DCP2: variants seen among roughly 807,000 people sequenced by gnomAD.
DCP2 encodes the protein m7GpppN-mRNA hydrolase.
In DCP2, 30 loss-of-function variants were observed where a neutral mutation model predicts 56.1. The observed-to-expected ratio is 0.53, with a 90% CI of 0.40 to 0.73. DCP2 has a LOEUF of 0.73. DCP2 is among the 30% of genes least tolerant of loss of function. The pLI, the probability that DCP2 is intolerant of heterozygous loss-of-function variation, is 0.00. For missense variants in DCP2, 533 were observed against 502.7 expected (o/e 1.06, Z -0.58); for synonymous variants, 197 against 163.3 (o/e 1.21, Z -1.57).
rs1750183883 is a variant in DCP2 at position 113,022,189 on chromosome 5, AAAAC to A, written c.*8708_*8711del. On this transcript the variant is annotated 3_prime_UTR_variant, in exon 11 of 11. Coordinates refer to ENST00000389063, the MANE Select transcript of DCP2 (RefSeq NM_152624.6). ...CTGTATAAATAAATGGAGTTTTTAA[AAAAC>A]AATTCTATATCAAATAACGCAAAGT... 1 of 152,574 alleles carries A rather than the reference AAAAC, an allele frequency of 6.6e-6. No individual in the cohort carries two copies. The highest frequency in any genetic ancestry group is 1.5e-5 in the Non-Finnish European group (1 of 68,048). 9.5% of individuals were successfully genotyped at this position (152,574 alleles called of 1,614,324 possible). A position where few individuals can be genotyped will look rare whatever the true frequency, so the allele number is the denominator to read the frequency against.
chr5:113,000,622 C>T (rs1003465844), intron 4 of DCP2, among the ~76,000 whole-genome samples: 3 of 152,080 alleles, frequency 2.0e-5, no homozygotes, highest in African/African-American at 4.8e-5. Flanking sequence ...ACCTTAGTTT[C>T]GAAGGAAAGG....
At chr5:112,991,920 A>T (rs1432417014) in intron 2 of DCP2, among the ~76,000 whole-genome samples, 2 of 152,170 alleles carry the variant, frequency 1.3e-5, no homozygotes, top group Non-Finnish European at 2.9e-5. Context: ...GAAAAAACAA[A>T]AACACAGTCT....
chr5:113,011,314 A>G (rs922851478), intron 10 of DCP2, among the ~76,000 whole-genome samples: 1 of 152,200 alleles, frequency 6.6e-6, no homozygotes, highest in Non-Finnish European at 1.5e-5. Context: ...GATACTAAGT[A>G]TGAGTTTTAT....
intron 1 of DCP2, chr5:112,984,579 GA>G (rs1288426844): frequency 6.6e-6 from 1 of 150,804 alleles, no homozygotes; most frequent in East Asian, 1.9e-4. Context: ...AATGCAACAT[GA>G]TTTAGCTGCT....
Position 113,015,751 on chromosome 5 carries a change from T to G in DCP2, c.*2267T>G, listed in dbSNP as rs539226896. On this transcript the variant is annotated 3_prime_UTR_variant, in exon 11 of 11. Coordinates refer to ENST00000389063, the MANE Select transcript of DCP2 (RefSeq NM_152624.6). ...AATATTTAAGTTGGATGTACTTGTTTTAGGTACATCTACTATACTTATTCT... is the reference window on the plus strand; with the variant it reads ...AATATTTAAGTTGGATGTACTTGTTGTAGGTACATCTACTATACTTATTCT... 1 of 152,780 alleles carries G rather than the reference T, an allele frequency of 6.5e-6. No homozygotes were observed. Among genetic ancestry groups the G allele is most frequent in the East Asian group, 1.9e-4 (1 of 5,194 alleles). The allele number at this position is 152,780 out of a possible 1,614,324, so 9.5% of individuals were successfully genotyped here.
rs375035866 is a variant in DCP2 at position 113,010,568 on chromosome 5, AAT to A, written c.1048-187_1048-186del. ...ATGTATGTAATCAAGAACTAAAAAA[AAT>A]TTTAGGTGTGAAAAGTAAATACAAA... On this transcript the variant is annotated intron_variant, in intron 9 of 10. Transcript: ENST00000389063. Among the ~76,000 whole-genome samples the A allele has an allele frequency of 4.5e-3, 679 of 152,318 alleles. 1 individual carries two copies. Among genetic ancestry groups the A allele is most frequent in the Middle Eastern group, 0.01 (3 of 294 alleles).
intron 1 of DCP2, among the ~76,000 whole-genome samples, chr5:112,981,798 G>T (rs1200126941): frequency 6.6e-6 from 1 of 152,172 alleles, no homozygotes; most frequent in African/African-American, 2.4e-5. Context: ...TTGAGACGGA[G>T]TCTTGCTCGT....
chr5:112,988,250 A>AG (rs560423105), intron 2 of DCP2, among the ~76,000 whole-genome samples: 44 of 151,820 alleles, frequency 2.9e-4, no homozygotes, highest in Non-Finnish European at 5.7e-4. Flanking sequence ...TGGGAGGCCA[A>AG]GGGGGGCGGA....
At position 113,001,179 on chromosome 5, in the gene DCP2, C is replaced by T; in HGVS notation, c.528C>T (p.Ile176=). The part of the protein sequence containing the change: ...RINDQLARLY[I]IPGIPKDTKF... ...ATGACCAGCTTGCTCGTTTGTACAT[C>T]ATTCCAGGAATTCCAAAAGACACAA... The change falls in exon 5 of 11, where the codon ATC becomes ATT. Residue 176 remains isoleucine, a synonymous_variant. Coordinates refer to ENST00000389063, the MANE Select transcript of DCP2 (RefSeq NM_152624.6). 6.2e-7 allele frequency: 1 copy of T among 1,613,874 alleles called. No individual in the cohort carries two copies. The highest frequency in any genetic ancestry group is 8.5e-7 in the Non-Finnish European group (1 of 1,179,944).
chr5:113,004,542 T>C (rs1580826126), intron 8 of DCP2, among the ~76,000 whole-genome samples: 2 of 152,362 alleles, frequency 1.3e-5, no homozygotes, highest in African/African-American at 4.8e-5. Flanking sequence ...ATGCACATTT[T>C]GGTTGTTTCC....
chr5:113,021,660 A>C lies in DCP2; in HGVS notation c.*8176A>C, dbSNP rs745782871. ...GCTATATGATAGTAACTTTTATTTT[A>C]AATTCTCAAAAGGAGAGTGACTAAG... On this transcript the variant is annotated 3_prime_UTR_variant, in exon 11 of 11. Transcript: ENST00000389063. 1.1e-4 allele frequency among the ~76,000 whole-genome samples: 16 copies of C among 151,944 alleles called. No homozygotes were observed. The highest frequency in any genetic ancestry group is 2.2e-4 in the Non-Finnish European group (15 of 67,990).
intron 2 of DCP2, among the ~76,000 whole-genome samples, chr5:112,988,562 T>G (rs1748422084): frequency 1.3e-5 from 2 of 151,120 alleles, no homozygotes; most frequent in Admixed American, 1.3e-4. Context: ...TCACTTGACG[T>G]TCAGGGCAAT....
chr5:113,011,915 T>C (rs1749694179), intron 10 of DCP2, among the ~76,000 whole-genome samples: 1 of 152,200 alleles, frequency 6.6e-6, no homozygotes. Flanking sequence ...TCCAGTTCTT[T>C]TGCATGTGGA....
intron 1 of DCP2, among the ~76,000 whole-genome samples, chr5:112,978,077 A>C (rs1226347896): frequency 2.0e-5 from 3 of 152,068 alleles, no homozygotes; most frequent in Non-Finnish European, 4.4e-5. Context: ...TTCCGGATTC[A>C]AACGAGTCTC....
At position 113,000,432 on chromosome 5, in the gene DCP2, A is replaced by C. The variant is rs982177689; in HGVS notation, c.433-652A>C. 1.6e-4 allele frequency among the ~76,000 whole-genome samples: 23 copies of C among 143,470 alleles called. 1 individual carries two copies. The highest frequency in any genetic ancestry group is 2.0e-4 in the Non-Finnish European group (13 of 65,350). 94.1% of individuals were successfully genotyped at this position (143,470 alleles called of 152,430 possible). On this transcript the variant is annotated intron_variant, in intron 4 of 10. Transcript: ENST00000389063. ...CACACACACACACACACACCCACAC[A>C]CCCTACCTGAGTTTTTAATATATTC... is the stretch of plus-strand genomic sequence containing the variant.
chr5:112,987,549 T>C (rs1454949746), intron 2 of DCP2, among the ~76,000 whole-genome samples: 2 of 151,164 alleles, frequency 1.3e-5, no homozygotes, highest in Non-Finnish European at 2.9e-5. Context: ...ACCTGCAGGG[T>C]TCAAGTGATT....
intron 4 of DCP2, among the ~76,000 whole-genome samples, chr5:112,996,121 G>A (rs993656906): frequency 2.6e-5 from 4 of 152,118 alleles, no homozygotes; most frequent in African/African-American, 9.7e-5. Context: ...AATTTTTTTG[G>A]TGAGGGGACA....
rs774441095 is a variant in DCP2 at position 113,021,453 on chromosome 5, TCAAA to T, written c.*7973_*7976del. ...GAGTCTCTGCAAAAATGAAAATACCTCAAACAATTAAGTTTGTTGCTTTAAAGCA... is the reference window on the plus strand; with the variant it reads ...GAGTCTCTGCAAAAATGAAAATACCTCAATTAAGTTTGTTGCTTTAAAGCA... On this transcript the variant is annotated 3_prime_UTR_variant, in exon 11 of 11. Transcript: ENST00000389063. Among the ~76,000 whole-genome samples the T allele has an allele frequency of 1.3e-5, 2 of 148,408 alleles. No individual in the cohort carries two copies. Among genetic ancestry groups the T allele is most frequent in the African/African-American group, 2.5e-5 (1 of 40,042 alleles).
intron 2 of DCP2, 70 bp from the exon 3 acceptor site, chr5:112,992,051 G>C (rs1378039012): frequency 6.4e-7 from 1 of 1,552,250 alleles, no homozygotes; most frequent in Non-Finnish European, 8.8e-7. Context: ...GATTTAAATG[G>C]GTCTCTTTCT....
Sources: gnomAD v4.1 joint callset for allele counts (sites outside exome capture counted in the v4.1 genomes callset) on GRCh38, gnomAD v4.1.1 for gene constraint, MANE v1.5 for transcripts, NCBI Gene and HGNC (gene_info 2026-07-23, HGNC 2026-07-21) for gene names.